Variants in INTS1 observed in about 807,000 individuals in gnomAD.
INTS1 encodes integrator complex subunit 1.
Under a neutral mutation model 241.6 loss-of-function variants are expected in INTS1, and 137 were observed. The observed-to-expected ratio is 0.57, with a 90% CI of 0.49 to 0.65. The LOEUF (loss-of-function observed/expected upper bound fraction) is 0.65, where lower values mean the gene tolerates loss of function less well. INTS1 is among the 30% of genes least tolerant of loss of function. The pLI, the probability that INTS1 is intolerant of heterozygous loss-of-function variation, is 0.00. For synonymous variants in INTS1, 1,692 were observed against 1,337.8 expected (o/e 1.26, Z -5.78); for missense variants, 3,073 against 3,032.2 (o/e 1.01, Z -0.32).
intron 22 of INTS1, among the ~76,000 whole-genome samples, chr7:1,486,421 G>A (rs1486476274): frequency 6.6e-6 from 1 of 151,066 alleles, no homozygotes; most frequent in African/African-American, 2.4e-5. Context: ...CCTCCACCAC[G>A]CCCAGCTAAT....
chr7:1,504,281 T>G (rs1452722519), intron 1 of INTS1, 42 bp downstream of exon 1: 2 of 565,328 alleles, frequency 3.5e-6, no homozygotes, highest in East Asian at 8.9e-5. Flanking sequence ...AACCAGGCGC[T>G]CGCCCGGCAA....
In INTS1 at chr7:1,499,980, G is replaced by A. The variant is rs1215053666; in HGVS notation, c.588C>T (p.Phe196=). 5.0e-6 allele frequency: 8 copies of A among 1,613,614 alleles called. No homozygotes were observed. Among genetic ancestry groups the A allele is most frequent in the Non-Finnish European group, 5.9e-6 (7 of 1,179,864 alleles). The change falls in exon 5 of 48, where the codon TTC becomes TTT. Residue 196 remains phenylalanine (F), a synonymous_variant. Coordinates refer to ENST00000404767, the MANE Select transcript of INTS1 (RefSeq NM_001080453.3). ...ACACCAGGCTGTTCCCCTTGGCCTT[G>A]AAGTTGATGGAGGCGTCCCGCCGCA... is the stretch of plus-strand genomic sequence containing the variant. ...SLLRRDASIN[F]KAKGNSLVSV... is the part of the protein sequence containing the mutation.
intron 30 of INTS1, among the ~76,000 whole-genome samples, chr7:1,480,068 G>A (rs1411008939): frequency 6.6e-6 from 1 of 152,282 alleles, no homozygotes; most frequent in African/African-American, 2.4e-5. Context: ...TGCAAGGATG[G>A]CAGGGAGGAT....
At position 1,478,424 on chromosome 7, in the gene INTS1, G is replaced by A. The variant is rs1258385861; in HGVS notation, c.4572C>T (p.Val1524=). 4 of 1,612,678 alleles carry A rather than the reference G, an allele frequency of 2.5e-6. No homozygotes were observed. The highest frequency in any genetic ancestry group is 1.7e-5 in the Admixed American group (1 of 60,002). ...GCTCCCCAGACCTCAGGGTGGCGAT[G>A]ACGGCACGGACGGTGGAGCTGACCA... ...LEVVSSTVRA[V]IATLRSGEQC... is the part of the protein sequence containing the mutation. Residue 1524 remains valine, a synonymous_variant, in exon 33 of 48, where the codon GTC becomes GTT. Coordinates refer to ENST00000404767, the MANE Select transcript of INTS1 (RefSeq NM_001080453.3).
Position 1,493,035 on chromosome 7 carries a change from G to A in INTS1, c.2140C>T (p.Pro714Ser). The A allele has an allele frequency of 6.2e-7, 1 of 1,613,410 alleles. No homozygotes were observed. Among genetic ancestry groups the A allele is most frequent in the Non-Finnish European group, 8.5e-7 (1 of 1,179,532 alleles). The change falls in exon 16 of 48, where the codon CCT becomes TCT. Residue 714 changes from proline to serine, a missense_variant. Coordinates refer to ENST00000404767, the MANE Select transcript of INTS1 (RefSeq NM_001080453.3). The surrounding 1 kb of genome is among the most constrained non-coding windows in gnomAD (Gnocchi z 5.3). ...CCCGGTGGGAGCTGGATGTTTTCAG[G>A]GTGATGGTAGGTGCACAGATTCAGA... ...AVLNLCTYHH[P>S]ENIQLPPGYQ...
intron 35 of INTS1, 34 bp downstream of exon 35, chr7:1,477,516 G>T (rs138421594): frequency 1.2e-5 from 17 of 1,477,406 alleles, no homozygotes; most frequent in Non-Finnish European, 1.4e-5. Context: ...TTACCCTGGG[G>T]TGGGTCCCCG....
Position 1,476,215 on chromosome 7 carries a change from G to C in INTS1, c.5378+14C>G. On this transcript the variant is annotated intron_variant, in intron 38 of 47. Coordinates refer to ENST00000404767, the MANE Select transcript of INTS1 (RefSeq NM_001080453.3). ...CACTCCCAGGCAGCATCTGGGGCCG[G>C]GGGGCCTGAGCACCTGTCTCCCCAC... 3 of 1,545,964 alleles carry C rather than the reference G, an allele frequency of 1.9e-6. No homozygotes were observed. Among genetic ancestry groups the C allele is most frequent in the Non-Finnish European group, 2.6e-6 (3 of 1,146,544 alleles).
chr7:1,483,784 C>T lies in INTS1; in HGVS notation c.3499G>A (p.Val1167Ile), dbSNP rs868608632. 6.2e-7 allele frequency: 1 copy of T among 1,612,430 alleles called. No homozygotes were observed. Among genetic ancestry groups the T allele is most frequent in the Non-Finnish European group, 8.5e-7 (1 of 1,179,756 alleles). ...GETATMHILVVHAMVILLTLG... is the reference protein window; with the variant it reads ...GETATMHILVIHAMVILLTLG... The stretch of plus-strand genomic sequence containing the variant: ...GTCAGCAGGATCACCATGGCATGGA[C>T]CACGAGGATGTGCATGGTGGCTGTC... Residue 1167 changes from valine to isoleucine, a missense_variant, in exon 26 of 48, where the codon GTC (valine) becomes ATC (isoleucine). Coordinates refer to ENST00000404767, the MANE Select transcript of INTS1 (RefSeq NM_001080453.3).
rs771615666 is a variant in INTS1, at chr7:1,476,214, G to A, written c.5378+15C>T. 1.4e-4 allele frequency: 213 copies of A among 1,542,294 alleles called. No individual in the cohort carries two copies. The highest frequency in any genetic ancestry group is 8.9e-4 in the African/African-American group (65 of 72,992). On this transcript the variant is annotated intron_variant, in intron 38 of 47. Transcript: ENST00000404767. Reference sequence around the variant, plus strand: ...TCACTCCCAGGCAGCATCTGGGGCCGGGGGGCCTGAGCACCTGTCTCCCCA... The same window carrying A: ...TCACTCCCAGGCAGCATCTGGGGCCAGGGGGCCTGAGCACCTGTCTCCCCA...
At position 1,487,469 on chromosome 7, in the gene INTS1, C is replaced by T. The variant is rs781117698; in HGVS notation, c.2517-20G>A. Reference sequence around the variant, plus strand: ...GGCCCCCTGAGGGCCACAGGGGACACGGTGCGTCAGCACGCCCTGAGCGGA... The same window carrying T: ...GGCCCCCTGAGGGCCACAGGGGACATGGTGCGTCAGCACGCCCTGAGCGGA... On this transcript the variant is annotated intron_variant, in intron 19 of 47. Transcript: ENST00000404767. 1.5e-5 allele frequency: 24 copies of T among 1,607,198 alleles called. No individual in the cohort carries two copies. The highest frequency in any genetic ancestry group is 6.7e-5 in the East Asian group (3 of 44,756).
chr7:1,471,892 G>A, intron 44 of INTS1: 1 of 585,430 alleles, frequency 1.7e-6, no homozygotes, highest in South Asian at 2.1e-5. Flanking sequence ...GGTGCTCTTA[G>A]CACCAAGTGT....
intron 24 of INTS1, 101 bp from the exon 25 acceptor site, chr7:1,484,271 G>A: frequency 7.9e-7 from 1 of 1,264,322 alleles, no homozygotes; most frequent in African/African-American, 1.5e-5. Flanking sequence ...GGGATCTTAA[G>A]CAGGGCCCGC....
chr7:1,470,370 G>A lies in INTS1; in HGVS notation c.*207C>T, dbSNP rs953892665. On this transcript the variant is annotated 3_prime_UTR_variant, in exon 48 of 48. Coordinates refer to ENST00000404767, the MANE Select transcript of INTS1 (RefSeq NM_001080453.3). ...GGGCTGTGGCCCAGAAGGTGAATGA[G>A]GGCTTGCTGGACGGCCCCTGATGCC... 1.9e-5 allele frequency: 10 copies of A among 513,406 alleles called. No homozygotes were observed. The highest frequency in any genetic ancestry group is 1.8e-4 in the African/African-American group (9 of 49,612). 31.8% of individuals were successfully genotyped at this position (513,406 alleles called of 1,614,324 possible).
chr7:1,495,665 AC>A (rs1782813059), intron 12 of INTS1, 112 bp from the exon 13 acceptor site: 2 of 1,376,594 alleles, frequency 1.5e-6, no homozygotes, highest in Non-Finnish European at 2.0e-6. Context: ...AACTCAGGGC[AC>A]CCCCAGCTTC....
At chr7:1,500,423 C>T in intron 3 of INTS1, 57 bp from the exon 4 acceptor site, 2 of 1,452,264 alleles carry the variant, frequency 1.4e-6, no homozygotes, top group South Asian at 1.4e-5. Context: ...ACCCCAAAGC[C>T]TCGGGACACC....
Position 1,503,057 on chromosome 7 carries a change from A to G in INTS1, c.193T>C (p.Leu65=), listed in dbSNP as rs369247569. The G allele has an allele frequency of 3.7e-6, 6 of 1,613,196 alleles. No individual in the cohort carries two copies. The highest frequency in any genetic ancestry group is 1.3e-5 in the African/African-American group (1 of 74,894). Residue 65 remains leucine (L), a synonymous_variant, in exon 3 of 48, where the codon TTG becomes CTG. Transcript: ENST00000404767. The part of the protein sequence containing the change: ...SERKRDAAAA[L]SSASALTGLT... ...CCGGTGAGGGCCGAGGCACTGGACAACGCGGCCGCCGCATCCCGCTTGCGC... is the reference window on the plus strand; with the variant it reads ...CCGGTGAGGGCCGAGGCACTGGACAGCGCGGCCGCCGCATCCCGCTTGCGC...
rs141028922 is a variant in INTS1 at position 1,477,066 on chromosome 7, G to A, written c.4939-148C>T. 629 of 1,003,524 alleles carry A rather than the reference G, an allele frequency of 6.3e-4. 5 individuals are homozygous for A. In the African/African-American group the frequency reaches 8.7e-3, roughly 14 times the overall value. The allele number at this position is 1,003,524 out of a possible 1,614,324, so 62.2% of individuals were successfully genotyped here. On this transcript the variant is annotated intron_variant, in intron 35 of 47. Transcript: ENST00000404767. ...CACCGGCCCCGTCATGGTGCTGGAG[G>A]GCCGCTCCTGGTGGCTGCGCTGCAT...
rs369731152 is a variant in INTS1 at position 1,479,625 on chromosome 7, G to A, written c.4134C>T (p.Leu1378=). ...WQSSSPRPVA[L]ALQQALGQEL... The stretch of plus-strand genomic sequence containing the variant: ...CCTGGCCCAGGGCCTGCTGCAGGGC[G>A]AGGGCCACGGGGCGGGGACTGGAGC... Residue 1378 remains leucine, a synonymous_variant, in exon 31 of 48, where the codon CTC becomes CTT. Coordinates refer to ENST00000404767, the MANE Select transcript of INTS1 (RefSeq NM_001080453.3). 58 of 1,523,084 alleles carry A rather than the reference G, an allele frequency of 3.8e-5. 1 individual carries two copies. In the East Asian group the frequency reaches 4.0e-4, roughly 10 times the overall value. The allele number at this position is 1,523,084 out of a possible 1,614,324, so 94.3% of individuals were successfully genotyped here.
At chr7:1,483,962 C>T (rs1782121336) in intron 25 of INTS1, 41 bp downstream of exon 25, 1 of 1,593,298 alleles carries the variant, frequency 6.3e-7, no homozygotes, top group South Asian at 1.1e-5. Flanking sequence ...CAGCCGTAGA[C>T]CTCCTCGCCC....
Sources: allele counts gnomAD v4.1 joint callset (sites outside exome capture counted in the v4.1 genomes callset), GRCh38; gene constraint gnomAD v4.1.1; non-coding constraint Gnocchi (gnomAD v3.1); transcripts MANE v1.5; gene names NCBI Gene and HGNC (gene_info 2026-07-23, HGNC 2026-07-21).